The following TMEM131L variants were observed in gnomAD, a reference collection of about 807,000 sequenced individuals.
TMEM131L encodes transmembrane protein 131-like.
TMEM131L carries 54 observed loss-of-function variants against 192.2 expected under a neutral mutation model. The observed-to-expected ratio is 0.28, with a 90% CI of 0.23 to 0.35. The LOEUF is 0.35. TMEM131L is among the 10% of genes least tolerant of loss of function. TMEM131L has a pLI of 1.00. For missense variants in TMEM131L, 1,888 were observed against 1,972.9 expected (o/e 0.96, Z 0.82); for synonymous variants, 701 against 704.9 (o/e 0.99, Z 0.09).
At chr4:153,487,586 A>G (rs1454602643) in intron 3 of TMEM131L, among the ~76,000 whole-genome samples, 4 of 152,196 alleles carry the variant, frequency 2.6e-5, no homozygotes, top group African/African-American at 7.2e-5. Context: ...ACCTTGGCCC[A>G]GTAACAGAAA....
chr4:153,603,154 C>G, intron 23 of TMEM131L, 149 bp from the exon 24 acceptor site: 4 of 661,018 alleles, frequency 6.1e-6, no homozygotes, highest in Non-Finnish European at 9.5e-6. Flanking sequence ...TAAGGAACAT[C>G]AGAAATTATG....
At position 153,602,576 on chromosome 4, in the gene TMEM131L, C is replaced by G; in HGVS notation, c.2488C>G (p.Arg830Gly). The change falls in exon 23 of 35, where the codon CGG becomes GGG. Residue 830 changes from arginine (R) to glycine (G), a missense_variant. Transcript: ENST00000409959. ...TPDFTSSWVI[R>G]DLSLVTAADL... ...AGACTTTACCTCCTCCTGGGTAATTCGGGACCTAAGTCTTGTAACCGCAGC... is the reference window on the plus strand; with the variant it reads ...AGACTTTACCTCCTCCTGGGTAATTGGGGACCTAAGTCTTGTAACCGCAGC... The G allele has an allele frequency of 1.2e-6, 2 of 1,614,006 alleles. No individual in the cohort carries two copies. The highest frequency in any genetic ancestry group is 2.2e-5 in the South Asian group (2 of 91,074).
chr4:153,592,583 T>C lies in TMEM131L; in HGVS notation c.1921T>C (p.Trp641Arg), dbSNP rs1731151791. ...PEALVHLLHR[W>R]FGTDMQMINF... ...AGCCCTAGTGCACCTGCTCCACAGA[T>C]GGTATGAAGACTTTTTTTCTGAGAG... Residue 641 changes from tryptophan to arginine, a missense_variant and splice_region_variant, in exon 18 of 35, where the codon TGG becomes CGG. Coordinates refer to ENST00000409959, the MANE Select transcript of TMEM131L (RefSeq NM_001131007.2). 1 of 1,603,102 alleles carries C rather than the reference T, an allele frequency of 6.2e-7. No individual in the cohort carries two copies. Among genetic ancestry groups the C allele is most frequent in the African/African-American group, 1.3e-5 (1 of 74,736 alleles).
chr4:153,592,407 G>T, intron 17 of TMEM131L, 68 bp from the exon 18 acceptor site: 1 of 1,012,224 alleles, frequency 9.9e-7, no homozygotes, highest in Non-Finnish European at 1.6e-6. Flanking sequence ...TATGCTTTTT[G>T]GCCAGAATAT....
At position 153,621,842 on chromosome 4, in the gene TMEM131L, A is replaced by G. The variant is rs537816790; in HGVS notation, c.3852A>G (p.Arg1284=). Residue 1284 remains arginine (R), a synonymous_variant, in exon 28 of 35, where the codon AGA becomes AGG. Transcript: ENST00000409959. ...EIASSLPAAQ[R]EAEGYYQKPE... Reference sequence around the variant, plus strand: ...CAAGCAGTTTACCTGCTGCCCAGAGAGAGGCAGGTATGTAATGATACTGAG... The same window carrying G: ...CAAGCAGTTTACCTGCTGCCCAGAGGGAGGCAGGTATGTAATGATACTGAG... The G allele has an allele frequency of 1.2e-5, 19 of 1,613,930 alleles. No individual in the cohort carries two copies. In the South Asian group the frequency reaches 1.9e-4, roughly 16 times the overall value.
chr4:153,483,248 A>C (rs1732069862), intron 3 of TMEM131L, among the ~76,000 whole-genome samples: 1 of 152,248 alleles, frequency 6.6e-6, no homozygotes, highest in South Asian at 2.1e-4. Context: ...TTAACTCAGC[A>C]TTAAATTCTG....
chr4:153,586,986 G>T (rs1730743258), intron 14 of TMEM131L, among the ~76,000 whole-genome samples: 1 of 151,532 alleles, frequency 6.6e-6, no homozygotes, highest in Admixed American at 6.6e-5. Context: ...TATAACTCTG[G>T]GTTCTGGTTT....
chr4:153,614,118 G>A (rs932188083), intron 26 of TMEM131L, among the ~76,000 whole-genome samples: 2 of 152,270 alleles, frequency 1.3e-5, no homozygotes, highest in Admixed American at 6.5e-5. Context: ...ATGGGCAGCG[G>A]GCAGCACTGA....
chr4:153,470,024 TAA>T (rs1731044245), intron 2 of TMEM131L, among the ~76,000 whole-genome samples: 1 of 151,676 alleles, frequency 6.6e-6, no homozygotes, highest in African/African-American at 2.4e-5. Flanking sequence ...TCCTGTTGAT[TAA>T]GTCTTTTTTT....
chr4:153,598,987 C>G (rs1228485594), intron 21 of TMEM131L, among the ~76,000 whole-genome samples: 2 of 152,126 alleles, frequency 1.3e-5, no homozygotes, highest in African/African-American at 4.8e-5. Flanking sequence ...GATAGTGGTG[C>G]AGGCCTTTAT....
At chr4:153,631,936 G>A (rs1734238504) in intron 31 of TMEM131L, among the ~76,000 whole-genome samples, 1 of 152,160 alleles carries the variant, frequency 6.6e-6, no homozygotes, top group East Asian at 1.9e-4. Flanking sequence ...GTGCTTCCCT[G>A]TACCCACTGG....
chr4:153,636,440 C>T lies in TMEM131L; in HGVS notation c.4697C>T (p.Ala1566Val), dbSNP rs144902509. ...TEHSTHMENQ[A>V]VVCKEYYPGF... ...CATTCGACCCACATGGAAAACCAAG[C>T]GGTCGTGTGCAAGGAATACTACCCG... is the stretch of plus-strand genomic sequence containing the variant. Residue 1566 changes from alanine to valine, a missense_variant, in exon 35 of 35, where the codon GCG (alanine) becomes GTG (valine). By Grantham distance (64) the Ala-to-Val change is moderately conservative. Coordinates refer to ENST00000409959, the MANE Select transcript of TMEM131L (RefSeq NM_001131007.2). The T allele has an allele frequency of 2.5e-5, 41 of 1,614,174 alleles. No individual in the cohort carries two copies. The Middle Eastern group carries it at 1.3e-3, about 52-fold the overall frequency.
At position 153,467,158 on chromosome 4, in the gene TMEM131L, G is replaced by A. The variant is rs1303268129; in HGVS notation, c.125-53G>A. 13 of 1,506,940 alleles carry A rather than the reference G, an allele frequency of 8.6e-6. No homozygotes were observed. The African/African-American group carries it at 1.7e-4, about 19-fold the overall frequency. 93.3% of individuals were successfully genotyped at this position (1,506,940 alleles called of 1,614,324 possible). ...GGAGGGACGGTAGGGGAAACAGGAA[G>A]CGTTTCTTTAGCGTGCATTAAAAAC... On this transcript the variant is annotated intron_variant, in intron 1 of 34. Coordinates refer to ENST00000409959, the MANE Select transcript of TMEM131L (RefSeq NM_001131007.2).
intron 26 of TMEM131L, among the ~76,000 whole-genome samples, chr4:153,617,813 T>G (rs572017786): frequency 6.6e-6 from 1 of 152,128 alleles, no homozygotes; most frequent in Non-Finnish European, 1.5e-5. Flanking sequence ...TAATTCACCT[T>G]TTCTAAAAAC....
chr4:153,574,381 A>G (rs75105817), intron 7 of TMEM131L, among the ~76,000 whole-genome samples: 1,584 of 152,260 alleles, frequency 0.01, 23 homozygotes, highest in African/African-American at 0.036. Flanking sequence ...GCTGTACAGT[A>G]CTTATTAATA....
intron 26 of TMEM131L, among the ~76,000 whole-genome samples, chr4:153,614,783 T>C (rs1486097287): frequency 6.6e-6 from 1 of 152,184 alleles, no homozygotes; most frequent in Non-Finnish European, 1.5e-5. Context: ...AAAGAGGCTG[T>C]TACTCTGCGG....
chr4:153,612,621 T>A (rs1045022960), intron 26 of TMEM131L, among the ~76,000 whole-genome samples: 4 of 152,202 alleles, frequency 2.6e-5, no homozygotes, highest in Non-Finnish European at 5.9e-5. Flanking sequence ...CTGAAGAGAA[T>A]CTGTTCTTAA....
intron 3 of TMEM131L, among the ~76,000 whole-genome samples, chr4:153,495,276 T>G (rs1733090201): frequency 6.6e-6 from 1 of 151,732 alleles, no homozygotes; most frequent in Admixed American, 6.6e-5. Flanking sequence ...CCCGAGATTG[T>G]GCCATTGCAC....
intron 3 of TMEM131L, among the ~76,000 whole-genome samples, chr4:153,476,333 C>T (rs984573932): frequency 3.3e-5 from 5 of 152,110 alleles, no homozygotes; most frequent in Non-Finnish European, 5.9e-5. Flanking sequence ...GTTTTAAAAA[C>T]CTGAAATTTC....
Sources: gnomAD v4.1 joint callset for allele counts (sites outside exome capture counted in the v4.1 genomes callset) on GRCh38, gnomAD v4.1.1 for gene constraint, MANE v1.5 for transcripts, NCBI Gene and HGNC (gene_info 2026-07-23, HGNC 2026-07-21) for gene names.